Variants in GSE1 observed in about 807,000 individuals in gnomAD.
The protein encoded by GSE1 is Gse1 coiled-coil protein, also known as genetic suppressor element 1.
A neutral mutation model predicts 112.6 loss-of-function variants in GSE1; 32 were observed. The observed-to-expected ratio is 0.28, with a 90% CI of 0.21 to 0.38. GSE1 has a LOEUF of 0.38. Ranked by LOEUF, GSE1 falls within the 10% of genes least tolerant of loss-of-function variation. The pLI is 1.00. For missense variants in GSE1, 2,348 were observed against 1,699.2 expected, an observed-to-expected ratio of 1.38 and a Z score of -6.71; for synonymous variants, 1,115 against 735.6, an observed-to-expected ratio of 1.52 and a Z score of -8.35.
intron 1 of GSE1, among the ~76,000 whole-genome samples, chr16:85,272,739 T>TTTGC (rs1338318411): frequency 4.3e-4 from 47 of 108,838 alleles, no homozygotes; most frequent in Non-Finnish European, 6.4e-4. Flanking sequence ...TTCTTGCTTG[T>TTTGC]TTGCTTGCTT....
chr16:85,206,439 G>A (rs1392173446), intron 1 of GSE1, among the ~76,000 whole-genome samples: 1 of 152,184 alleles, frequency 6.6e-6, no homozygotes, highest in East Asian at 1.9e-4. Context: ...GGAACCAGCA[G>A]CCAGGAGCAG....
chr16:85,561,057 A>G (rs1404385377), intron 1 of GSE1, among the ~76,000 whole-genome samples: 1 of 151,942 alleles, frequency 6.6e-6, no homozygotes, highest in Non-Finnish European at 1.5e-5. Flanking sequence ...ACCTGGGCCC[A>G]GGAGGTCGAG....
chr16:85,478,371 A>T (rs1309865777), intron 2 of GSE1, among the ~76,000 whole-genome samples: 1 of 152,066 alleles, frequency 6.6e-6, no homozygotes, highest in East Asian at 1.9e-4. Context: ...TACTAAAAAT[A>T]CAAAAATTAG....
chr16:85,300,104 C>T (rs978936976), intron 1 of GSE1, among the ~76,000 whole-genome samples: 4 of 151,972 alleles, frequency 2.6e-5, no homozygotes, highest in Admixed American at 6.5e-5. Context: ...CTCTGCCTCC[C>T]GGGTTCAAGT....
At chr16:85,208,289 G>A (rs181449412) in intron 1 of GSE1, among the ~76,000 whole-genome samples, 7 of 152,292 alleles carry the variant, frequency 4.6e-5, no homozygotes, top group Middle Eastern at 3.4e-3. Flanking sequence ...ACTCCGCCAC[G>A]TCGCTGGCGG....
At chr16:85,228,004 CCTGGGAGGG>C (rs770769596) in intron 1 of GSE1, among the ~76,000 whole-genome samples, 1 of 152,038 alleles carries the variant, frequency 6.6e-6, no homozygotes, top group African/African-American at 2.4e-5. Context: ...GGGAGCAGGG[CCTGGGAGGG>C]CTGGGAGGGC....
intron 2 of GSE1, among the ~76,000 whole-genome samples, chr16:85,528,808 T>C (rs2052452690): frequency 6.6e-6 from 1 of 152,162 alleles, no homozygotes; most frequent in Non-Finnish European, 1.5e-5. Flanking sequence ...AACATGATTA[T>C]TGATAAAGCC....
At chr16:85,466,786 G>A (rs2050137324) in intron 2 of GSE1, among the ~76,000 whole-genome samples, 2 of 152,126 alleles carry the variant, frequency 1.3e-5, no homozygotes, top group African/African-American at 2.4e-5. Context: ...ATGGCTGAAC[G>A]CAGTGGCTCA....
At chr16:85,601,281 G>C (rs191912473) in intron 1 of GSE1, among the ~76,000 whole-genome samples, 1 of 152,166 alleles carries the variant, frequency 6.6e-6, no homozygotes, top group Non-Finnish European at 1.5e-5. Context: ...TGTGAGGGGT[G>C]GGAGGGGAGC....
chr16:85,663,981 G>A (rs893213599), intron 11 of GSE1, among the ~76,000 whole-genome samples: 4 of 152,368 alleles, frequency 2.6e-5, no homozygotes, highest in South Asian at 2.1e-4. Flanking sequence ...TTGCTGGACC[G>A]CTTAGGTGGT....
At chr16:85,407,271 C>A (rs1394127223) in intron 2 of GSE1, among the ~76,000 whole-genome samples, 1 of 57,826 alleles carries the variant, frequency 1.7e-5, no homozygotes, top group African/African-American at 1.3e-4. Flanking sequence ...CTCAGGGCCC[C>A]CCTGGATAAT....
chr16:85,652,488 G>A (rs1018999663), intron 3 of GSE1, among the ~76,000 whole-genome samples: 1 of 152,244 alleles, frequency 6.6e-6, no homozygotes, highest in Non-Finnish European at 1.5e-5. Context: ...ACAGAGAAGG[G>A]GGGCCGGGGC....
At chr16:85,360,111 GC>G (rs374592556) in intron 2 of GSE1, among the ~76,000 whole-genome samples, 32 of 152,150 alleles carry the variant, frequency 2.1e-4, no homozygotes, top group Non-Finnish European at 4.6e-4. Context: ...TCCAAAAGGA[GC>G]CCTTTTTGGA....
At chr16:85,198,340 G>A (rs2074967337) in intron 1 of GSE1, among the ~76,000 whole-genome samples, 1 of 152,238 alleles carries the variant, frequency 6.6e-6, no homozygotes, top group Non-Finnish European at 1.5e-5. Flanking sequence ...AGCTGGCAAA[G>A]TACACTGAGA....
intron 2 of GSE1, among the ~76,000 whole-genome samples, chr16:85,493,179 T>C (rs1006392095): frequency 6.6e-6 from 1 of 152,186 alleles, no homozygotes; most frequent in Non-Finnish European, 1.5e-5. Flanking sequence ...CAAATTCCCA[T>C]TGCACCTGGC....
intron 1 of GSE1, among the ~76,000 whole-genome samples, chr16:85,587,036 A>C (rs1016944245): frequency 6.6e-6 from 1 of 152,186 alleles, no homozygotes; most frequent in African/African-American, 2.4e-5. Flanking sequence ...TCTAAGATGC[A>C]GAATTGTGTG....
At chr16:85,346,395 G>T (rs2151550124) in intron 1 of GSE1, among the ~76,000 whole-genome samples, 1 of 149,598 alleles carries the variant, frequency 6.7e-6, no homozygotes, top group African/African-American at 2.5e-5. Context: ...ATGATGGATG[G>T]ATGGATGATG....
At position 85,673,392 on chromosome 16, in the gene GSE1, C is replaced by T. The variant is rs1000243206; in HGVS notation, c.*853C>T. 1 of 150,298 alleles carries T rather than the reference C, an allele frequency of 6.7e-6. No individual in the cohort carries two copies. Among genetic ancestry groups the T allele is most frequent in the African/African-American group, 2.5e-5 (1 of 40,570 alleles). 9.3% of individuals were successfully genotyped at this position (150,298 alleles called of 1,614,324 possible). ...TTACTTTAACTATTGTTATAAAAAG[C>T]CTGCCATTTTTAATATGTGGTTTGG... is the stretch of plus-strand genomic sequence containing the variant. On this transcript the variant is annotated 3_prime_UTR_variant, in exon 16 of 16. Coordinates refer to ENST00000253458, the MANE Select transcript of GSE1 (RefSeq NM_014615.5).
intron 1 of GSE1, among the ~76,000 whole-genome samples, chr16:85,560,575 G>A (rs564719749): frequency 1.3e-5 from 2 of 152,278 alleles, no homozygotes; most frequent in South Asian, 2.1e-4. Flanking sequence ...AGAGCAAGGT[G>A]CAGGGGCATG....
Sources: gnomAD v4.1 joint callset for allele counts (sites outside exome capture counted in the v4.1 genomes callset) on GRCh38, gnomAD v4.1.1 for gene constraint, MANE v1.5 for transcripts, NCBI Gene and HGNC (gene_info 2026-07-23, HGNC 2026-07-21) for gene names.